Variants in CARD14 observed in about 807,000 individuals in gnomAD.
CARD14 encodes the protein caspase recruitment domain family member 14.
A neutral mutation model predicts 111.5 loss-of-function variants in CARD14; 107 were observed. The ratio of observed to expected loss-of-function variants is 0.96; its 90% CI spans 0.82 to 1.13. The LOEUF is 1.13. Ranked by LOEUF, CARD14 falls within the 50% of genes most tolerant of loss-of-function variation. The pLI is 0.00. For missense variants in CARD14, 1,322 were observed against 1,362.3 expected (o/e 0.97, Z 0.47); for synonymous variants, 617 against 579.6 (o/e 1.06, Z -0.93).
intron 1 of CARD14, among the ~76,000 whole-genome samples, chr17:80,172,622 C>T (rs1342648244): frequency 1.3e-5 from 2 of 152,096 alleles, no homozygotes; most frequent in African/African-American, 2.4e-5. Flanking sequence ...GTGCCTTCGC[C>T]TCCCCTTGCC....
chr17:80,196,389 C>A (rs1404828803), intron 14 of CARD14: 2 of 152,332 alleles, frequency 1.3e-5, no homozygotes, highest in East Asian at 3.9e-4. Flanking sequence ...AGAGAGACCA[C>A]CCAAGGCATA....
rs772132526 is a variant in CARD14, at chr17:80,198,540, G to A, written c.1800G>A (p.Pro600=). 20 of 1,613,010 alleles carry A rather than the reference G, an allele frequency of 1.2e-5. No individual in the cohort carries two copies. Among genetic ancestry groups the A allele is most frequent in the South Asian group, 3.3e-5 (3 of 91,070 alleles). Residue 600 remains proline (P), a synonymous_variant, in exon 16 of 24, where the codon CCG becomes CCA. Transcript: ENST00000648509. The surrounding 1 kb of genome is among the most constrained non-coding windows in gnomAD (Gnocchi z 7.5). ...GCATCTTCATCCACCGGGTCACCCC[G>A]GGCTCGGCGGCGGACCAGATGGCCT... ...LTGIFIHRVT[P]GSAADQMALR... is the part of the protein sequence containing the mutation.
chr17:80,199,933 A>G (rs558759055), intron 16 of CARD14, among the ~76,000 whole-genome samples: 1 of 151,996 alleles, frequency 6.6e-6, no homozygotes, highest in African/African-American at 2.4e-5. Context: ...TATGAAAAAA[A>G]TTTTAAACCA....
intron 2 of CARD14, among the ~76,000 whole-genome samples, chr17:80,175,950 TCG>T (rs2040013863): frequency 8.5e-6 from 1 of 117,320 alleles, no homozygotes; most frequent in Non-Finnish European, 1.7e-5. Flanking sequence ...TGCTCTCGGA[TCG>T]TTTTTTTTTT....
chr17:80,188,456 G>A lies in CARD14; in HGVS notation c.755G>A (p.Arg252Lys). ...CTGGAATTGCAAGAGCAGTCCCTGA[G>A]GACAGCCAGCGACCAGGAGTCCGGG... The part of the protein sequence containing the change: ...CELELQEQSL[R>K]TASDQESGDE... The change falls in exon 8 of 24, where the codon AGG becomes AAG. Residue 252 changes from arginine to lysine, a missense_variant. Coordinates refer to ENST00000648509, the MANE Select transcript of CARD14 (RefSeq NM_001366385.1). The surrounding 1 kb of genome is among the most constrained non-coding windows in gnomAD (Gnocchi z 4.5). 1 of 1,604,878 alleles carries A rather than the reference G, an allele frequency of 6.2e-7. No homozygotes were observed. Among genetic ancestry groups the A allele is most frequent in the Non-Finnish European group, 8.5e-7 (1 of 1,176,254 alleles).
intron 21 of CARD14, 121 bp from the exon 22 acceptor site, chr17:80,205,409 CA>C (rs1275717441): frequency 1.4e-5 from 19 of 1,362,370 alleles, no homozygotes; most frequent in Non-Finnish European, 1.9e-5. Flanking sequence ...GTAAAGTGGA[CA>C]TCCTAAGAAG....
chr17:80,208,416 A>C lies in CARD14; in HGVS notation c.*71A>C. On this transcript the variant is annotated 3_prime_UTR_variant, in exon 24 of 24. Transcript: ENST00000648509. ...TTAATGCAGTCCTGTTCCTCAGCCC[A>C]GGCCCTCTTGGCACAGCTGTGGGCT... 2 of 1,380,636 alleles carry C rather than the reference A, an allele frequency of 1.4e-6. No individual in the cohort carries two copies. Among genetic ancestry groups the C allele is most frequent in the Non-Finnish European group, 2.0e-6 (2 of 1,023,384 alleles). 85.5% of individuals were successfully genotyped at this position (1,380,636 alleles called of 1,614,324 possible).
intron 1 of CARD14, among the ~76,000 whole-genome samples, chr17:80,171,129 C>CTGTGCCCA (rs2039887374): frequency 2.0e-5 from 3 of 148,834 alleles, no homozygotes; most frequent in African/African-American, 7.4e-5. Context: ...GCGTGAGCCA[C>CTGTGCCCA]GGCTCCTGGC....
intron 21 of CARD14, 114 bp downstream of exon 21, chr17:80,205,319 A>C: frequency 1.8e-6 from 2 of 1,141,734 alleles, no homozygotes; most frequent in Non-Finnish European, 1.2e-6. Flanking sequence ...CACCACGCAC[A>C]TTCCCACACT....
Position 80,188,604 on chromosome 17 carries a change from C to CTG in CARD14, c.843+63_843+64dup, listed in dbSNP as rs1255613519. ...CTGCCTTGGGGGCTTGGCCCTCAGG[C>CTG]TGTGGGGTTTCTGACAGGTGGTTTA... On this transcript the variant is annotated intron_variant, in intron 8 of 23. Coordinates refer to ENST00000648509, the MANE Select transcript of CARD14 (RefSeq NM_001366385.1). This position sits in a 1 kb window ranked among gnomAD's most constrained non-coding sequence, Gnocchi z 4.5. The CTG allele has an allele frequency of 2.9e-6, 4 of 1,382,260 alleles. No individual in the cohort carries two copies. Among genetic ancestry groups the CTG allele is most frequent in the Non-Finnish European group, 3.8e-6 (4 of 1,061,326 alleles). 85.6% of individuals were successfully genotyped at this position (1,382,260 alleles called of 1,614,324 possible).
rs1484325769 is a variant in CARD14, at chr17:80,188,353, TC to T, written c.676-22del. ...GGGGAGAAGCTGTTTCCATCGCCCT[TC>T]CTGTCGCCTCCCCACCGCACAGCTG... On this transcript the variant is annotated intron_variant, in intron 7 of 23. Transcript: ENST00000648509. This position sits in a 1 kb window ranked among gnomAD's most constrained non-coding sequence, Gnocchi z 4.5. The T allele has an allele frequency of 2.5e-6, 4 of 1,601,780 alleles. No homozygotes were observed. The highest frequency in any genetic ancestry group is 2.6e-6 in the Non-Finnish European group (3 of 1,174,510).
chr17:80,202,454 G>A, intron 18 of CARD14, 34 bp downstream of exon 18: 1 of 1,599,360 alleles, frequency 6.3e-7, no homozygotes, highest in South Asian at 1.1e-5. Context: ...TGCGTCCCCA[G>A]AGAGGCCCAC....
At position 80,203,783 on chromosome 17, in the gene CARD14, A is replaced by G. The variant is rs2041121086; in HGVS notation, c.2220-39A>G. ...CTCTCCCCTGCCCTGCTCACCTGGC[A>G]GGAGGCAGCTGGGTCAGGGCCTCTG... On this transcript the variant is annotated intron_variant, in intron 18 of 23. Transcript: ENST00000648509. This position sits in a 1 kb window ranked among gnomAD's most constrained non-coding sequence, Gnocchi z 4.6. The G allele has an allele frequency of 6.5e-7, 1 of 1,527,700 alleles. No individual in the cohort carries two copies. Among genetic ancestry groups the G allele is most frequent in the African/African-American group, 1.4e-5 (1 of 72,734 alleles). 94.6% of individuals were successfully genotyped at this position (1,527,700 alleles called of 1,614,324 possible).
chr17:80,176,606 CT>C (rs1048988164), intron 2 of CARD14, among the ~76,000 whole-genome samples: 1 of 152,222 alleles, frequency 6.6e-6, no homozygotes, highest in Non-Finnish European at 1.5e-5. Flanking sequence ...AGCTACCATC[CT>C]GACATCCTGA....
At position 80,190,737 on chromosome 17, in the gene CARD14, G is replaced by T. The variant is rs1206028197; in HGVS notation, c.964-37G>T. ...CTTCTAAGGCCAGACCCTCAGAGCT[G>T]CTGAGCTTCACGGTCCATGTGTCCC... On this transcript the variant is annotated intron_variant, in intron 9 of 23. Transcript: ENST00000648509. The T allele has an allele frequency of 3.7e-6, 6 of 1,611,344 alleles. No homozygotes were observed. In the South Asian group the frequency reaches 6.6e-5, roughly 18 times the overall value.
At chr17:80,199,115 C>T (rs958019582) in intron 16 of CARD14, among the ~76,000 whole-genome samples, 4 of 151,956 alleles carry the variant, frequency 2.6e-5, no homozygotes, top group Non-Finnish European at 4.4e-5. Context: ...CTACCGTGCC[C>T]GGCTAATTTG....
At chr17:80,176,965 C>T (rs903169932) in intron 2 of CARD14, among the ~76,000 whole-genome samples, 8 of 152,332 alleles carry the variant, frequency 5.3e-5, no homozygotes, top group African/African-American at 1.4e-4. Flanking sequence ...CTCCCTCTGG[C>T]TGCCGTCATA....
At position 80,188,135 on chromosome 17, in the gene CARD14, T is replaced by A; in HGVS notation, c.676-242T>A. ...CTATTCCTGGGACCCTAACCCTGGA[T>A]GGAGTTCAACCGCGGTGCCTCATCT... On this transcript the variant is annotated intron_variant, in intron 7 of 23. Coordinates refer to ENST00000648509, the MANE Select transcript of CARD14 (RefSeq NM_001366385.1). This position sits in a 1 kb window ranked among gnomAD's most constrained non-coding sequence, Gnocchi z 4.5. The A allele has an allele frequency of 2.1e-6, 1 of 473,864 alleles. No individual in the cohort carries two copies. 29.4% of individuals were successfully genotyped at this position (473,864 alleles called of 1,614,324 possible).
intron 2 of CARD14, among the ~76,000 whole-genome samples, chr17:80,173,929 T>G (rs2039967960): frequency 6.6e-6 from 1 of 152,042 alleles, no homozygotes; most frequent in South Asian, 2.1e-4. Context: ...AAAATAATAA[T>G]GGAATGCCAA....
Sources: gnomAD v4.1 joint callset for allele counts (sites outside exome capture counted in the v4.1 genomes callset) on GRCh38, gnomAD v4.1.1 for gene constraint, Gnocchi (gnomAD v3.1) non-coding constraint, MANE v1.5 for transcripts, NCBI Gene and HGNC (gene_info 2026-07-23, HGNC 2026-07-21) for gene names.